ERI1: variants seen among roughly 807,000 people sequenced by gnomAD.
ERI1 encodes exoribonuclease 1.
Under a neutral mutation model 39.7 loss-of-function variants are expected in ERI1, and 39 were observed. The observed-to-expected ratio is 0.98, with a 90% CI of 0.76 to 1.28. The LOEUF (loss-of-function observed/expected upper bound fraction) is 1.28, where lower values mean the gene tolerates loss of function less well. Ranked by LOEUF, ERI1 falls within the 50% of genes most tolerant of loss-of-function variation. The probability of loss-of-function intolerance (pLI) is 0.00; values close to 1 mark genes in which losing one functional copy is unlikely to be tolerated. For synonymous variants in ERI1, 204 were observed against 149.6 expected (o/e 1.36, Z -2.65); for missense variants, 581 against 416.9 (o/e 1.39, Z -3.43).
At chr8:9,061,807 T>C (rs556144527) in intron 3 of ERI1, among the ~76,000 whole-genome samples, 13,368 of 137,728 alleles carry the variant, frequency 0.097, 906 homozygotes, top group African/African-American at 0.13. Flanking sequence ...TCCGTGAAGT[T>C]TTGCAGCAGT....
At chr8:9,022,233 T>C (rs1394674660) in intron 6 of ERI1, among the ~76,000 whole-genome samples, 1 of 152,220 alleles carries the variant, frequency 6.6e-6, no homozygotes, top group Non-Finnish European at 1.5e-5. Context: ...ATCAGCTATC[T>C]GGATTGCTTT....
intron 1 of ERI1, among the ~76,000 whole-genome samples, chr8:9,004,517 A>G (rs1412093358): frequency 1.1e-4 from 15 of 134,274 alleles, no homozygotes; most frequent in Admixed American, 2.2e-4. Context: ...TTTTTACAAA[A>G]AGCCGGTCGT....
At chr8:9,035,898 C>G (rs768173480), downstream of ERI1, among the ~76,000 whole-genome samples, 1 of 152,158 alleles carries the variant, frequency 6.6e-6, no homozygotes, top group South Asian at 2.1e-4. Flanking sequence ...TCAACCTTAA[C>G]AGGAATTTGC....
intron 3 of ERI1, among the ~76,000 whole-genome samples, chr8:9,042,579 G>A (rs1462118955): frequency 1.3e-5 from 2 of 152,132 alleles, no homozygotes; most frequent in East Asian, 3.9e-4. Context: ...TCACACCGCA[G>A]GCCTTCTGGG....
chr8:9,054,843 G>T (rs930904463), intron 3 of ERI1, among the ~76,000 whole-genome samples: 1 of 152,214 alleles, frequency 6.6e-6, no homozygotes, highest in South Asian at 2.1e-4. Context: ...CAGGAGACTC[G>T]GTTGAACCCA....
intron 4 of ERI1, among the ~76,000 whole-genome samples, 193 bp from the exon 5 acceptor site, chr8:9,018,104 A>G (rs982610111): frequency 2.0e-5 from 3 of 152,236 alleles, no homozygotes; most frequent in African/African-American, 7.2e-5. Flanking sequence ...AAGTAGTCCC[A>G]GTACTTGGTT....
At chr8:9,084,888 ATGT>A (rs1304532006) in intron 3 of ERI1, among the ~76,000 whole-genome samples, 2 of 152,138 alleles carry the variant, frequency 1.3e-5, no homozygotes, top group Non-Finnish European at 1.5e-5. Context: ...CAGGAGAAAA[ATGT>A]TGTGATTTGT....
At position 9,052,604 on chromosome 8, in the gene ERI1, G is replaced by A. The variant is rs150058827; in HGVS notation, n.299+32140G>A. Among the ~76,000 whole-genome samples, 139 of 152,308 alleles carry A rather than the reference G, an allele frequency of 9.1e-4. 1 individual carries two copies. Among genetic ancestry groups the A allele is most frequent in the Middle Eastern group, 3.4e-3 (1 of 294 alleles). Reference sequence around the variant, plus strand: ...GACATCTTTTGCACACAGAACTGGGGCACAGTTGGCAAGGAGGTTAAATAT... The same window carrying A: ...GACATCTTTTGCACACAGAACTGGGACACAGTTGGCAAGGAGGTTAAATAT... On this transcript the variant is annotated intron_variant and non_coding_transcript_variant, in intron 3 of 3. Transcript: ENST00000518663.
chr8:9,011,411 C>T, intron 2 of ERI1, 131 bp from the exon 3 acceptor site: 2 of 501,270 alleles, frequency 4.0e-6, no homozygotes, highest in Non-Finnish European at 7.1e-6. Flanking sequence ...GCTTTTCTTA[C>T]ATTTATTTTA....
At chr8:9,006,184 C>G (rs532651833) in intron 1 of ERI1, among the ~76,000 whole-genome samples, 1 of 152,146 alleles carries the variant, frequency 6.6e-6, no homozygotes, top group Non-Finnish European at 1.5e-5. Flanking sequence ...TTTGAGCATC[C>G]TTCTTTGTGA....
chr8:9,029,758 C>T, intron 6 of ERI1, 34 bp from the exon 7 acceptor site: 1 of 1,612,120 alleles, frequency 6.2e-7, no homozygotes, highest in Non-Finnish European at 8.5e-7. Context: ...TTTAGAACAC[C>T]AAAGAATTAT....
intron 3 of ERI1, among the ~76,000 whole-genome samples, chr8:9,092,462 G>C (rs1799738285): frequency 6.6e-6 from 1 of 152,160 alleles, no homozygotes; most frequent in African/African-American, 2.4e-5. Context: ...GCCACAAACT[G>C]GTTCATTGGT....
chr8:9,014,561 A>G (rs779842958), intron 3 of ERI1, among the ~76,000 whole-genome samples: 4 of 152,216 alleles, frequency 2.6e-5, no homozygotes, highest in Non-Finnish European at 4.4e-5. Flanking sequence ...ATGATTAAAG[A>G]TTTGGCCAAT....
intron 2 of ERI1, among the ~76,000 whole-genome samples, chr8:9,008,651 G>T (rs1461724522): frequency 1.3e-5 from 2 of 152,172 alleles, no homozygotes; most frequent in Non-Finnish European, 2.9e-5. Context: ...AGAAAACAAT[G>T]CAACTTAGTC....
intron 3 of ERI1, among the ~76,000 whole-genome samples, chr8:9,041,270 A>C (rs1188318698): frequency 6.6e-6 from 1 of 152,194 alleles, no homozygotes; most frequent in Non-Finnish European, 1.5e-5. Flanking sequence ...ATTTATGTTA[A>C]ATCCTACATT....
intron 6 of ERI1, among the ~76,000 whole-genome samples, chr8:9,024,306 A>G (rs1370865298): frequency 6.6e-6 from 1 of 152,256 alleles, no homozygotes. Flanking sequence ...ATTTTGGGGG[A>G]AATCCCAAAC....
chr8:9,057,172 A>ACTC (rs1166513995), intron 3 of ERI1, among the ~76,000 whole-genome samples: 1 of 138,986 alleles, frequency 7.2e-6, no homozygotes, highest in African/African-American at 2.7e-5. Context: ...TGAGACAGGG[A>ACTC]CTCGCTCTGT....
chr8:9,070,124 A>G (rs1799001241), intron 3 of ERI1, among the ~76,000 whole-genome samples: 1 of 152,042 alleles, frequency 6.6e-6, no homozygotes, highest in African/African-American at 2.4e-5. Flanking sequence ...CTGTAATCCC[A>G]GCTACTCTGG....
At chr8:9,086,541 G>A (rs1286932948) in intron 3 of ERI1, among the ~76,000 whole-genome samples, 3 of 152,134 alleles carry the variant, frequency 2.0e-5, no homozygotes, top group South Asian at 2.1e-4. Context: ...CAGTGATACC[G>A]TCTCAAAACT....
Sources: gnomAD v4.1 joint callset for allele counts (sites outside exome capture counted in the v4.1 genomes callset) on GRCh38, gnomAD v4.1.1 for gene constraint, MANE v1.5 for transcripts, NCBI Gene and HGNC (gene_info 2026-07-23, HGNC 2026-07-21) for gene names.